ARHGAP10: variants seen among roughly 807,000 people sequenced by gnomAD.
The protein encoded by ARHGAP10 is Rho GTPase activating protein 10, also known as rho GTPase-activating protein 10.
Under a neutral mutation model 108.6 loss-of-function variants are expected in ARHGAP10, and 87 were observed. That is an observed-to-expected ratio of 0.80 (90% CI 0.67 to 0.96). The LOEUF is 0.96. Among genes scored for constraint, ARHGAP10 ranks in the 40% least tolerant of loss-of-function variants. The pLI is 0.00. For synonymous variants in ARHGAP10, 347 were observed against 341.1 expected (o/e 1.02, Z -0.19); for missense variants, 939 against 954.5 (o/e 0.98, Z 0.21).
At chr4:147,770,115 AGACCAGGT>A (rs1298366579) in intron 1 of ARHGAP10, among the ~76,000 whole-genome samples, 2 of 152,202 alleles carry the variant, frequency 1.3e-5, no homozygotes, top group African/African-American at 2.4e-5. Flanking sequence ...CCACTGACTT[AGACCAGGT>A]GACACATGGG....
intron 1 of ARHGAP10, among the ~76,000 whole-genome samples, chr4:147,786,664 G>GCATATGGGATGGCATA (rs567567464): frequency 2.0e-3 from 308 of 152,316 alleles, no homozygotes; most frequent in Non-Finnish European, 3.7e-3. Context: ...TGCAGGTCGT[G>GCATATGGGATGGCATA]CATATGGGAT....
chr4:147,744,046 G>A (rs933809905), intron 1 of ARHGAP10, among the ~76,000 whole-genome samples: 4 of 152,174 alleles, frequency 2.6e-5, no homozygotes, highest in African/African-American at 9.6e-5. Context: ...GAGAAGAAAC[G>A]TGTATATTAG....
intron 1 of ARHGAP10, among the ~76,000 whole-genome samples, chr4:147,818,303 C>T (rs190692539): frequency 2.0e-5 from 3 of 151,912 alleles, no homozygotes; most frequent in Admixed American, 6.6e-5. Context: ...CGGTGGCTCA[C>T]GCTTGTAATC....
intron 22 of ARHGAP10, among the ~76,000 whole-genome samples, chr4:148,067,609 T>G (rs545559901): frequency 2.0e-5 from 3 of 152,258 alleles, no homozygotes; most frequent in African/African-American, 7.2e-5. Context: ...ACTTATCCAT[T>G]TGGAGTCTTC....
At chr4:148,016,666 C>G (rs1010142733) in intron 18 of ARHGAP10, among the ~76,000 whole-genome samples, 1 of 152,142 alleles carries the variant, frequency 6.6e-6, no homozygotes, top group Non-Finnish European at 1.5e-5. Context: ...TAGGTGTCCT[C>G]CCATTCAGTT....
intron 7 of ARHGAP10, among the ~76,000 whole-genome samples, chr4:147,867,507 A>G (rs943617971): frequency 6.6e-6 from 1 of 152,194 alleles, no homozygotes; most frequent in Non-Finnish European, 1.5e-5. Flanking sequence ...ACATAGTGAA[A>G]GACACACAGG....
chr4:148,072,189 C>T lies in ARHGAP10; in HGVS notation c.*108C>T. ...TGGGCTGCACCCACAGGTACCTCCACACTTGGGAGTTACCATCATCACAGT... is the reference window on the plus strand; with the variant it reads ...TGGGCTGCACCCACAGGTACCTCCATACTTGGGAGTTACCATCATCACAGT... On this transcript the variant is annotated 3_prime_UTR_variant, in exon 23 of 23. Transcript: ENST00000336498. 1 of 909,762 alleles carries T rather than the reference C, an allele frequency of 1.1e-6. No homozygotes were observed. Among genetic ancestry groups the T allele is most frequent in the Non-Finnish European group, 1.6e-6 (1 of 609,132 alleles). The allele number at this position is 909,762 out of a possible 1,614,324, so 56.4% of individuals were successfully genotyped here.
chr4:147,885,879 C>T (rs1053912131), intron 10 of ARHGAP10, among the ~76,000 whole-genome samples: 3 of 152,168 alleles, frequency 2.0e-5, no homozygotes, highest in African/African-American at 7.2e-5. Context: ...TGAACTGCTT[C>T]TAGAATGTTT....
chr4:148,001,483 G>C (rs775057130), intron 18 of ARHGAP10, among the ~76,000 whole-genome samples: 26 of 152,236 alleles, frequency 1.7e-4, no homozygotes, highest in Admixed American at 3.9e-4. Flanking sequence ...GGATGGCATT[G>C]AATCTATAAA....
At chr4:148,012,673 G>C (rs1741210875) in intron 18 of ARHGAP10, among the ~76,000 whole-genome samples, 2 of 152,118 alleles carry the variant, frequency 1.3e-5, no homozygotes, top group African/African-American at 2.4e-5. Context: ...TATTAAGTTG[G>C]TGTAAAAGTA....
chr4:147,744,745 T>G (rs2126683481), intron 1 of ARHGAP10, among the ~76,000 whole-genome samples: 1 of 152,030 alleles, frequency 6.6e-6, no homozygotes, highest in South Asian at 2.1e-4. Context: ...AGGATGAGTT[T>G]TTGGTTTTGG....
intron 19 of ARHGAP10, among the ~76,000 whole-genome samples, chr4:148,026,911 C>G (rs1560881480): frequency 2.0e-5 from 3 of 152,120 alleles, no homozygotes; most frequent in Admixed American, 1.3e-4. Context: ...AGTAAGATAA[C>G]TCTAAAAATG....
At chr4:147,892,291 A>G (rs1329574175) in intron 10 of ARHGAP10, among the ~76,000 whole-genome samples, 1 of 152,186 alleles carries the variant, frequency 6.6e-6, no homozygotes, top group African/African-American at 2.4e-5. Context: ...CCGTTTCTCA[A>G]TTTAAAAGAG....
intron 1 of ARHGAP10, among the ~76,000 whole-genome samples, chr4:147,805,819 T>C (rs1731758284): frequency 6.6e-6 from 1 of 152,126 alleles, no homozygotes; most frequent in South Asian, 2.1e-4. Context: ...TTTAAAAAGA[T>C]ATAAAAAAGG....
intron 19 of ARHGAP10, among the ~76,000 whole-genome samples, chr4:148,043,060 A>C (rs1374906119): frequency 6.6e-6 from 1 of 152,184 alleles, no homozygotes; most frequent in African/African-American, 2.4e-5. Flanking sequence ...CCCTGACAAA[A>C]TGTACAAGGG....
intron 12 of ARHGAP10, among the ~76,000 whole-genome samples, chr4:147,911,873 AT>A (rs1159632310): frequency 2.0e-5 from 3 of 151,810 alleles, no homozygotes; most frequent in Non-Finnish European, 2.9e-5. Flanking sequence ...AAATATCAAA[AT>A]TTTAATTCAA....
rs191277524 is a variant in ARHGAP10 at position 147,738,838 on chromosome 4, T to G, written c.154+6383T>G. On this transcript the variant is annotated intron_variant, in intron 1 of 22. Coordinates refer to ENST00000336498, the MANE Select transcript of ARHGAP10 (RefSeq NM_024605.4). ...GAAGAGAGACAAAATTGTCAAACCCTGGAAAGGCTTCCAAATTTTGATTGT... is the reference window on the plus strand; with the variant it reads ...GAAGAGAGACAAAATTGTCAAACCCGGGAAAGGCTTCCAAATTTTGATTGT... Among the ~76,000 whole-genome samples, 505 of 152,238 alleles carry G rather than the reference T, an allele frequency of 3.3e-3. 5 individuals carry two copies. Among genetic ancestry groups the G allele is most frequent in the African/African-American group, 0.011 (475 of 41,526 alleles).
chr4:148,022,522 A>AC (rs1741606341), intron 18 of ARHGAP10, among the ~76,000 whole-genome samples: 1 of 152,240 alleles, frequency 6.6e-6, no homozygotes, highest in Non-Finnish European at 1.5e-5. Context: ...GTCTATTATC[A>AC]GTCACCTCTG....
chr4:147,891,013 CT>C (rs1259468631), intron 10 of ARHGAP10, among the ~76,000 whole-genome samples: 30 of 152,264 alleles, frequency 2.0e-4, no homozygotes, highest in African/African-American at 7.2e-4. Flanking sequence ...ATTGAAAATC[CT>C]CATACACTGA....
Sources: allele counts gnomAD v4.1 joint callset (sites outside exome capture counted in the v4.1 genomes callset), GRCh38; gene constraint gnomAD v4.1.1; transcripts MANE v1.5; gene names NCBI Gene and HGNC (gene_info 2026-07-23, HGNC 2026-07-21).